ATP8A2: variants seen among roughly 807,000 people sequenced by gnomAD.
The protein encoded by ATP8A2 is ATPase phospholipid transporting 8A2.
ATP8A2 carries 100 observed loss-of-function variants against 165.6 expected under a neutral mutation model. That is an observed-to-expected ratio of 0.60 (90% CI 0.51 to 0.71). ATP8A2 has a LOEUF of 0.71. Among genes scored for constraint, ATP8A2 ranks in the 30% least tolerant of loss-of-function variants. The pLI is 0.00. For missense variants in ATP8A2, 1,227 were observed against 1,479.5 expected (o/e 0.83, Z 2.80); for synonymous variants, 543 against 548.8 (o/e 0.99, Z 0.15).
chr13:25,543,492 G>A (rs2038548462), intron 10 of ATP8A2, 90 bp downstream of exon 10: 2 of 811,600 alleles, frequency 2.5e-6, no homozygotes, highest in Non-Finnish European at 4.0e-6. Flanking sequence ...CATTTAGGAA[G>A]TTCAAATTTG....
At chr13:25,907,871 C>A (rs1214262108) in intron 33 of ATP8A2, among the ~76,000 whole-genome samples, 1 of 152,130 alleles carries the variant, frequency 6.6e-6, no homozygotes, top group Non-Finnish European at 1.5e-5. Context: ...AAGAGATTTT[C>A]TTAGAGTTCT....
At chr13:25,873,564 T>C (rs1273715173) in intron 33 of ATP8A2, among the ~76,000 whole-genome samples, 1 of 152,150 alleles carries the variant, frequency 6.6e-6, no homozygotes, top group African/African-American at 2.4e-5. Context: ...CACCTTTGTG[T>C]CCTTTTTGAG....
chr13:25,882,179 T>C (rs551558321), intron 33 of ATP8A2, among the ~76,000 whole-genome samples: 1 of 152,330 alleles, frequency 6.6e-6, no homozygotes, highest in Admixed American at 6.5e-5. Flanking sequence ...GGGTGGATGT[T>C]TCTGCAACCA....
chr13:25,406,154 G>C (rs2138040273), intron 1 of ATP8A2, among the ~76,000 whole-genome samples: 1 of 152,278 alleles, frequency 6.6e-6, no homozygotes, highest in Middle Eastern at 3.4e-3. Flanking sequence ...TGAAGAAAGA[G>C]GTTGACATAT....
intron 1 of ATP8A2, among the ~76,000 whole-genome samples, chr13:25,463,143 T>TTTTG (rs10674299): frequency 1.4e-5 from 2 of 145,808 alleles, no homozygotes; most frequent in East Asian, 2.0e-4. Flanking sequence ...TTTTTTTTTT[T>TTTTG]GAGATAATGA....
intron 33 of ATP8A2, among the ~76,000 whole-genome samples, chr13:25,889,972 CT>C (rs1331427380): frequency 6.6e-6 from 1 of 152,040 alleles, no homozygotes; most frequent in Admixed American, 6.6e-5. Context: ...ACCATCCTGG[CT>C]GACATGGTGA....
At chr13:25,840,217 C>T (rs1951721025) in intron 30 of ATP8A2, among the ~76,000 whole-genome samples, 2 of 152,258 alleles carry the variant, frequency 1.3e-5, no homozygotes, top group African/African-American at 2.4e-5. Context: ...CAGAACGTGG[C>T]CTCCTAAAGA....
At chr13:25,859,763 G>A (rs932725836) in intron 30 of ATP8A2, among the ~76,000 whole-genome samples, 10 of 152,112 alleles carry the variant, frequency 6.6e-5, no homozygotes, top group African/African-American at 1.2e-4. Context: ...TAATATGCAT[G>A]TAGTTATCTT....
chr13:25,507,201 T>C (rs969328939), intron 2 of ATP8A2, among the ~76,000 whole-genome samples: 10 of 148,776 alleles, frequency 6.7e-5, no homozygotes, highest in African/African-American at 2.5e-4. Flanking sequence ...GGGTGGGTAA[T>C]TGTGCTGGTA....
At chr13:25,609,277 G>A (rs1445468536) in intron 24 of ATP8A2, among the ~76,000 whole-genome samples, 1 of 151,838 alleles carries the variant, frequency 6.6e-6, no homozygotes, top group East Asian at 1.9e-4. Context: ...GTAGAGCAGT[G>A]AGTAGAATAA....
Position 26,021,660 on chromosome 13 carries a change from G to A in ATP8A2, c.*1675G>A, listed in dbSNP as rs1467476209. On this transcript the variant is annotated 3_prime_UTR_variant, in exon 37 of 37. Transcript: ENST00000381655. ...CTCTGGTTGCCAAACCAGATTTTTGGATGGCCTAAATACTTGTGGGCAACT... is the reference window on the plus strand; with the variant it reads ...CTCTGGTTGCCAAACCAGATTTTTGAATGGCCTAAATACTTGTGGGCAACT... The A allele has an allele frequency of 6.6e-6, 1 of 152,156 alleles. No homozygotes were observed. The allele number at this position is 152,156 out of a possible 1,614,324, so 9.4% of individuals were successfully genotyped here. A position where few individuals can be genotyped will look rare whatever the true frequency, so the allele number is the denominator to read the frequency against.
intron 27 of ATP8A2, among the ~76,000 whole-genome samples, chr13:25,827,722 G>C (rs1951356671): frequency 6.6e-6 from 1 of 152,108 alleles, no homozygotes; most frequent in Admixed American, 6.5e-5. Flanking sequence ...TTTAATTTAT[G>C]ATTTATATCT....
At chr13:25,886,108 G>A (rs1953143835) in intron 33 of ATP8A2, among the ~76,000 whole-genome samples, 1 of 152,154 alleles carries the variant, frequency 6.6e-6, no homozygotes, top group South Asian at 2.1e-4. Flanking sequence ...TTTCCTCCAA[G>A]AATATTACAG....
chr13:25,611,351 T>A (rs2040682276), intron 24 of ATP8A2, among the ~76,000 whole-genome samples: 2 of 152,170 alleles, frequency 1.3e-5, no homozygotes, highest in South Asian at 4.1e-4. Flanking sequence ...GTTTTAATCA[T>A]AAAGGGATGG....
intron 27 of ATP8A2, among the ~76,000 whole-genome samples, chr13:25,809,448 G>A (rs1373653814): frequency 1.3e-5 from 2 of 152,088 alleles, no homozygotes; most frequent in African/African-American, 4.8e-5. Flanking sequence ...CTCAACACTC[G>A]TTCTTCCTGC....
At chr13:25,871,235 T>C in intron 33 of ATP8A2, 1 of 400,646 alleles carries the variant, frequency 2.5e-6, no homozygotes. Flanking sequence ...TTGTTTGTAA[T>C]ATTTATGCTC....
chr13:25,965,944 C>T (rs1955766557), intron 34 of ATP8A2, among the ~76,000 whole-genome samples: 1 of 150,056 alleles, frequency 6.7e-6, no homozygotes, highest in Non-Finnish European at 1.5e-5. Flanking sequence ...GTTACATTTA[C>T]ACTTCCATCC....
intron 33 of ATP8A2, among the ~76,000 whole-genome samples, chr13:25,873,335 C>T (rs1952729980): frequency 6.6e-6 from 1 of 152,122 alleles, no homozygotes; most frequent in Admixed American, 6.5e-5. Flanking sequence ...TGACTCAAGT[C>T]ATTTTTCCAC....
chr13:25,681,041 T>A (rs2042476530), intron 24 of ATP8A2, among the ~76,000 whole-genome samples: 2 of 152,216 alleles, frequency 1.3e-5, no homozygotes, highest in South Asian at 4.1e-4. Context: ...ACAATTGGAA[T>A]TGAAGTGACT....
Sources: gnomAD v4.1 joint callset for allele counts (sites outside exome capture counted in the v4.1 genomes callset) on GRCh38, gnomAD v4.1.1 for gene constraint, MANE v1.5 for transcripts, NCBI Gene and HGNC (gene_info 2026-07-23, HGNC 2026-07-21) for gene names.